BRD3: variants seen among roughly 807,000 people sequenced by gnomAD.
BRD3 encodes bromodomain containing 3.
Under a neutral mutation model 66.8 loss-of-function variants are expected in BRD3, and 17 were observed. The observed-to-expected ratio is 0.25, with a 90% CI of 0.17 to 0.38. The LOEUF (loss-of-function observed/expected upper bound fraction) is 0.38, where lower values mean the gene tolerates loss of function less well. Among genes scored for constraint, BRD3 ranks in the 10% least tolerant of loss-of-function variants. The pLI is 1.00. For missense variants in BRD3, 713 were observed against 956.1 expected (o/e 0.75, Z 3.35); for synonymous variants, 421 against 393.2 (o/e 1.07, Z -0.84).
At position 134,045,021 on chromosome 9, in the gene BRD3, C is replaced by A. The variant is rs1830138467; in HGVS notation, c.1215+272G>T. ...CGTCCCACCTGGTACACGCACCAGTCCCTGGAGGGAAAGACTCACTACTGC... is the reference window on the plus strand; with the variant it reads ...CGTCCCACCTGGTACACGCACCAGTACCTGGAGGGAAAGACTCACTACTGC... On this transcript the variant is annotated intron_variant, in intron 7 of 11. Transcript: ENST00000303407. The surrounding 1 kb of genome is among the most constrained non-coding windows in gnomAD (Gnocchi z 4.8). Among the ~76,000 whole-genome samples, 1 of 152,210 alleles carries A rather than the reference C, an allele frequency of 6.6e-6. No homozygotes were observed. The highest frequency in any genetic ancestry group is 1.5e-5 in the Non-Finnish European group (1 of 68,042).
In BRD3 at chr9:134,032,909, G is replaced by T; in HGVS notation, c.*681C>A. The stretch of plus-strand genomic sequence containing the variant: ...AGTTGAGGTAAAAGCTTCAGTGTAT[G>T]GAAACCTGCAGGCTGCATACACAGC... On this transcript the variant is annotated 3_prime_UTR_variant, in exon 12 of 12. Coordinates refer to ENST00000303407, the MANE Select transcript of BRD3 (RefSeq NM_007371.4). The T allele has an allele frequency of 2.8e-6, 1 of 358,874 alleles. No homozygotes were observed. The highest frequency in any genetic ancestry group is 5.0e-6 in the Non-Finnish European group (1 of 202,006). The allele number at this position is 358,874 out of a possible 1,614,324, so 22.2% of individuals were successfully genotyped here.
intron 8 of BRD3, among the ~76,000 whole-genome samples, chr9:134,040,896 C>T (rs1237661177): frequency 6.6e-6 from 1 of 152,218 alleles, no homozygotes; most frequent in African/African-American, 2.4e-5. Flanking sequence ...CCTCGCCCTC[C>T]CCACTGCAGC....
chr9:134,053,770 C>T (rs1028032180), intron 1 of BRD3, 180 bp from the exon 2 acceptor site: 16 of 509,856 alleles, frequency 3.1e-5, no homozygotes, highest in African/African-American at 2.7e-4. Flanking sequence ...TCAGGCGAAG[C>T]GCGACCAGCT....
At chr9:134,047,316 C>T (rs1288612919) in intron 6 of BRD3, among the ~76,000 whole-genome samples, 1 of 152,240 alleles carries the variant, frequency 6.6e-6, no homozygotes, top group Non-Finnish European at 1.5e-5. Context: ...AGGCAGGTCA[C>T]ACCTCTGCCA....
chr9:134,046,579 A>G (rs1282411034), intron 6 of BRD3, among the ~76,000 whole-genome samples: 1 of 152,236 alleles, frequency 6.6e-6, no homozygotes, highest in Admixed American at 6.5e-5. Context: ...GGGACCTGGA[A>G]GCCTCTGATG....
At chr9:134,034,998 G>A (rs1044441911) in intron 10 of BRD3, among the ~76,000 whole-genome samples, 169 bp from the exon 11 acceptor site, 3 of 152,192 alleles carry the variant, frequency 2.0e-5, no homozygotes, top group African/African-American at 4.8e-5. Flanking sequence ...CCAGGGCTTC[G>A]AGTGGCAGAA....
intron 1 of BRD3, among the ~76,000 whole-genome samples, chr9:134,067,659 G>A (rs1830696311): frequency 6.8e-6 from 1 of 146,410 alleles, no homozygotes; most frequent in African/African-American, 2.5e-5. Flanking sequence ...GCGACGCCCC[G>A]AGTCCGGGAC....
chr9:134,034,175 T>TC (rs1232856890), intron 11 of BRD3, among the ~76,000 whole-genome samples: 3 of 151,938 alleles, frequency 2.0e-5, no homozygotes, highest in South Asian at 2.1e-4. Flanking sequence ...GACCCTACTG[T>TC]CCCCCCCATA....
intron 7 of BRD3, among the ~76,000 whole-genome samples, chr9:134,043,267 A>G (rs1830098900): frequency 6.6e-6 from 1 of 152,118 alleles, no homozygotes; most frequent in South Asian, 2.1e-4. Context: ...CACCACACCC[A>G]GACTTCCTAT....
Position 134,031,544 on chromosome 9 carries a change from T to G in BRD3, c.*2046A>C, listed in dbSNP as rs919136082. ...ATGGAAACTTTCAAATCCATTTATA[T>G]TTTTATTATAAACAAAACTTAATTA... On this transcript the variant is annotated 3_prime_UTR_variant, in exon 12 of 12. Transcript: ENST00000303407. 15 of 202,490 alleles carry G rather than the reference T, an allele frequency of 7.4e-5. No homozygotes were observed. Among genetic ancestry groups the G allele is most frequent in the Non-Finnish European group, 1.3e-4 (13 of 98,708 alleles). The allele number at this position is 202,490 out of a possible 1,614,324, so 12.5% of individuals were successfully genotyped here.
rs1830114529 is a variant in BRD3, at chr9:134,043,968, C to T, written c.1215+1325G>A. Among the ~76,000 whole-genome samples, 2 of 152,246 alleles carry T rather than the reference C, an allele frequency of 1.3e-5. 1 individual carries two copies. Among genetic ancestry groups the T allele is most frequent in the Admixed American group, 1.3e-4 (2 of 15,286 alleles). On this transcript the variant is annotated intron_variant, in intron 7 of 11. Coordinates refer to ENST00000303407, the MANE Select transcript of BRD3 (RefSeq NM_007371.4). ...TTACAGGCGTGAGCACCATGTCTATCCAACAGCACCTGTTTCAGGAGCAGG... is the reference window on the plus strand; with the variant it reads ...TTACAGGCGTGAGCACCATGTCTATTCAACAGCACCTGTTTCAGGAGCAGG...
intron 2 of BRD3, among the ~76,000 whole-genome samples, chr9:134,052,673 G>A (rs1000527141): frequency 2.0e-5 from 3 of 152,268 alleles, no homozygotes; most frequent in East Asian, 1.9e-4. Context: ...AGGAGCCCAC[G>A]GAGTTAGGGC....
At chr9:134,055,224 G>A (rs561397995) in intron 1 of BRD3, among the ~76,000 whole-genome samples, 108 of 152,300 alleles carry the variant, frequency 7.1e-4, no homozygotes, top group Non-Finnish European at 1.2e-3. Flanking sequence ...CGCCTAGCCC[G>A]CACCGCAGGG....
At chr9:134,042,507 C>A (rs888172107) in intron 7 of BRD3, among the ~76,000 whole-genome samples, 1 of 152,066 alleles carries the variant, frequency 6.6e-6, no homozygotes, top group African/African-American at 2.4e-5. Context: ...CATGGCAGCA[C>A]ATGTCTGTGA....
intron 1 of BRD3, among the ~76,000 whole-genome samples, chr9:134,065,643 C>G (rs1249277025): frequency 6.6e-6 from 1 of 152,200 alleles, no homozygotes; most frequent in Admixed American, 6.5e-5. Context: ...TCCCCATACC[C>G]CGCCCCGGTA....
At chr9:134,051,783 G>A (rs1830302252) in intron 3 of BRD3, 74 bp from the exon 4 acceptor site, 1 of 1,494,382 alleles carries the variant, frequency 6.7e-7, no homozygotes, top group South Asian at 1.3e-5. Flanking sequence ...ATTAGTTGTA[G>A]CTCAAAAAAA....
At chr9:134,038,646 C>T (rs1045640539) in intron 9 of BRD3, among the ~76,000 whole-genome samples, 3 of 152,114 alleles carry the variant, frequency 2.0e-5, no homozygotes, top group Non-Finnish European at 4.4e-5. Context: ...AAAGATAGTA[C>T]AAGCTGGGTA....
At chr9:134,040,304 C>T in intron 8 of BRD3, 35 bp from the exon 9 acceptor site, 1 of 1,572,060 alleles carries the variant, frequency 6.4e-7, no homozygotes, top group African/African-American at 1.3e-5. Flanking sequence ...AGGTGCTGGG[C>T]ACGGCCCACA....
At chr9:134,059,696 G>C (rs184191429) in intron 1 of BRD3, among the ~76,000 whole-genome samples, 141 of 152,332 alleles carry the variant, frequency 9.3e-4, no homozygotes, top group African/African-American at 3.3e-3. Flanking sequence ...AGAAGGGTCT[G>C]TGAGCATGTA....
Sources: gnomAD v4.1 joint callset for allele counts (sites outside exome capture counted in the v4.1 genomes callset) on GRCh38, gnomAD v4.1.1 for gene constraint, Gnocchi (gnomAD v3.1) non-coding constraint, MANE v1.5 for transcripts, NCBI Gene and HGNC (gene_info 2026-07-23, HGNC 2026-07-21) for gene names.